PFKFB3: variants seen among roughly 807,000 people sequenced by gnomAD.
PFKFB3 encodes 6-phosphofructo-2-kinase/fructose-2,6-biphosphatase 3.
Under a neutral mutation model 68.0 loss-of-function variants are expected in PFKFB3, and 33 were observed. The observed-to-expected ratio is 0.49, with a 90% CI of 0.37 to 0.65. The LOEUF (loss-of-function observed/expected upper bound fraction) is 0.65. PFKFB3 is among the 30% of genes least tolerant of loss of function. PFKFB3 has a pLI of 0.00. For missense variants in PFKFB3, 586 were observed against 712.2 expected (o/e 0.82, Z 2.02); for synonymous variants, 315 against 288.2 (o/e 1.09, Z -0.94).
chr10:6,150,176 A>G lies in PFKFB3; in HGVS notation c.16+5163A>G, dbSNP rs552357221. Among the ~76,000 whole-genome samples, 76 of 152,318 alleles carry G rather than the reference A, an allele frequency of 5.0e-4. 1 individual carries two copies. The South Asian group carries it at 0.012, about 24-fold the overall frequency. On this transcript the variant is annotated intron_variant, in intron 1 of 14. Coordinates refer to the PFKFB3 transcript ENST00000379789. ...ACCGGAACACTCATTTGTTCTCAGA[A>G]TGCTTTCTGCATGGTAACTTGGAGA... is the stretch of plus-strand genomic sequence containing the variant.
the PFKFB3 span, among the ~76,000 whole-genome samples, chr10:6,272,598 G>A: frequency 6.6e-6 from 1 of 152,254 alleles, no homozygotes; most frequent in East Asian, 1.9e-4. Flanking sequence ...GGGAGGCTGA[G>A]GCAGGAGAAT....
intron 1 of PFKFB3, among the ~76,000 whole-genome samples, chr10:6,180,533 T>C (rs970288298): frequency 6.6e-6 from 1 of 152,192 alleles, no homozygotes; most frequent in Non-Finnish European, 1.5e-5. Context: ...GGCTCAGCCG[T>C]GGCTCACTGC....
chr10:6,215,160 G>A lies in PFKFB3; in HGVS notation c.203-61G>A, dbSNP rs1033370538. 16 of 1,396,322 alleles carry A rather than the reference G, an allele frequency of 1.1e-5. No homozygotes were observed. Among genetic ancestry groups the A allele is most frequent in the South Asian group, 5.8e-5 (5 of 85,836 alleles). The allele number at this position is 1,396,322 out of a possible 1,614,324, so 86.5% of individuals were successfully genotyped here. A position where few individuals can be genotyped will look rare whatever the true frequency, so the allele number is the denominator to read the frequency against. Reference sequence around the variant, plus strand: ...TTCCTTTGGTCGATCCTATGGTCCCGGTGTGAGCTGGCCCCTTCCTCCTGC... The same window carrying A: ...TTCCTTTGGTCGATCCTATGGTCCCAGTGTGAGCTGGCCCCTTCCTCCTGC... On this transcript the variant is annotated intron_variant, in intron 2 of 14. Transcript: ENST00000379775. This position sits in a 1 kb window ranked among gnomAD's most constrained non-coding sequence, Gnocchi z 4.3.
the PFKFB3 span, among the ~76,000 whole-genome samples, chr10:6,319,284 GT>G: frequency 6.6e-6 from 1 of 152,210 alleles, no homozygotes; most frequent in African/African-American, 2.4e-5. Flanking sequence ...TGGATGACTG[GT>G]TAAAGAATAT....
At chr10:6,237,471 C>T (rs1007934409), downstream of PFKFB3, among the ~76,000 whole-genome samples, 2 of 152,240 alleles carry the variant, frequency 1.3e-5, no homozygotes, top group Non-Finnish European at 2.9e-5. Flanking sequence ...GCAAAGATGT[C>T]GTTGAAAGTA....
intron 14 of PFKFB3, among the ~76,000 whole-genome samples, chr10:6,246,777 C>T (rs934535051): frequency 1.3e-5 from 2 of 152,182 alleles, no homozygotes; most frequent in Admixed American, 1.3e-4. Context: ...AAGAAGTGAA[C>T]TAAGTACCCT....
Position 6,221,418 on chromosome 10 carries a change from A to AC in PFKFB3, c.871dup (p.Leu291ProfsTer33). 1 of 1,613,870 alleles carries AC rather than the reference A, an allele frequency of 6.2e-7. No homozygotes were observed. On this transcript the variant is annotated frameshift_variant, in exon 9 of 15. Coordinates refer to ENST00000379775, the MANE Select transcript of PFKFB3 (RefSeq NM_004566.4). LOFTEE classifies it high-confidence loss of function. The stretch of plus-strand genomic sequence containing the variant: ...CTGAGCAAGTTCGTGGAGGAGCAGA[A>AC]CCTGAAGGACCTGCGCGTGTGGACC...
chr10:6,220,214 G>C lies in PFKFB3; in HGVS notation c.624-444G>C, dbSNP rs997364098. Among the ~76,000 whole-genome samples the C allele has an allele frequency of 4.6e-5, 7 of 151,704 alleles. No individual in the cohort carries two copies. Among genetic ancestry groups the C allele is most frequent in the Non-Finnish European group, 1.0e-4 (7 of 67,966 alleles). On this transcript the variant is annotated intron_variant, in intron 7 of 14. Transcript: ENST00000379775. The surrounding 1 kb of genome is among the most constrained non-coding windows in gnomAD (Gnocchi z 4.1). ...ACTTCTGGGCTCAAGTAATCCTACC[G>C]CCTCAGCCTCATGAGTAACTGGGAC...
downstream of PFKFB3, among the ~76,000 whole-genome samples, chr10:6,259,224 CA>C (rs1846517696): frequency 6.6e-6 from 1 of 151,296 alleles, no homozygotes; most frequent in East Asian, 2.0e-4. Context: ...TCCATCCACC[CA>C]TCCATTTATT....
chr10:6,236,414 T>C (rs1368580104), downstream of PFKFB3, among the ~76,000 whole-genome samples: 1 of 152,224 alleles, frequency 6.6e-6, no homozygotes, highest in South Asian at 2.1e-4. Context: ...GACCAGCGTC[T>C]TGCTTGGTCT....
At chr10:6,302,864 C>G in the PFKFB3 span, among the ~76,000 whole-genome samples, 1 of 151,820 alleles carries the variant, frequency 6.6e-6, no homozygotes, top group African/African-American at 2.4e-5. Flanking sequence ...AGAAAGTCAT[C>G]TTTGAAATTT....
chr10:6,162,136 AC>A (rs1460921026), intron 1 of PFKFB3, among the ~76,000 whole-genome samples: 1 of 133,088 alleles, frequency 7.5e-6, no homozygotes, highest in East Asian at 1.9e-4. Flanking sequence ...GAATCTTACA[AC>A]ATTTGTCTGT....
At chr10:6,189,131 A>T (rs372454974) in intron 1 of PFKFB3, among the ~76,000 whole-genome samples, 479 of 152,098 alleles carry the variant, frequency 3.1e-3, no homozygotes, top group Non-Finnish European at 5.1e-3. Context: ...GAGCCACCGC[A>T]CCTGGCGATT....
intron 14 of PFKFB3, among the ~76,000 whole-genome samples, chr10:6,232,075 C>T (rs993430083): frequency 2.0e-5 from 3 of 152,214 alleles, no homozygotes; most frequent in Admixed American, 6.5e-5. Context: ...CTCTCTCCCA[C>T]CCTCTTTAGA....
chr10:6,313,931 C>T, the PFKFB3 span, among the ~76,000 whole-genome samples: 1 of 152,242 alleles, frequency 6.6e-6, no homozygotes, highest in East Asian at 1.9e-4. This position sits in a 1 kb window ranked among gnomAD's most constrained non-coding sequence, Gnocchi z 4.2. Context: ...CACACCTCAA[C>T]ACTCACCCTA....
intron 1 of PFKFB3, among the ~76,000 whole-genome samples, chr10:6,192,292 C>A (rs879666359): frequency 3.9e-5 from 6 of 151,972 alleles, no homozygotes; most frequent in Non-Finnish European, 7.4e-5. Flanking sequence ...TCCAGCCCAG[C>A]CTGGAGGTTT....
At position 6,232,951 on chromosome 10, in the gene PFKFB3, T is replaced by C; in HGVS notation, c.*9T>C. ...CCTCCAGGAAACACTGAGGCAGACG[T>C]GTCGGTTCCATTCCATTTCCATTTC... On this transcript the variant is annotated 3_prime_UTR_variant, in exon 15 of 15. Transcript: ENST00000379775. 1 of 1,608,242 alleles carries C rather than the reference T, an allele frequency of 6.2e-7. No homozygotes were observed.
chr10:6,226,872 G>T (rs2132020450), intron 14 of PFKFB3, among the ~76,000 whole-genome samples: 1 of 152,280 alleles, frequency 6.6e-6, no homozygotes, highest in Non-Finnish European at 1.5e-5. Context: ...GATCACCTGA[G>T]GACAAGAGTT....
chr10:6,207,406 C>G (rs986430817), intron 1 of PFKFB3, among the ~76,000 whole-genome samples: 2 of 152,184 alleles, frequency 1.3e-5, no homozygotes, highest in African/African-American at 2.4e-5. Context: ...AGCTTTGGCT[C>G]GGCATCAGAG....
Sources: gnomAD v4.1 joint callset for allele counts (sites outside exome capture counted in the v4.1 genomes callset) on GRCh38, gnomAD v4.1.1 for gene constraint, Gnocchi (gnomAD v3.1) non-coding constraint, MANE v1.5 for transcripts, NCBI Gene and HGNC (gene_info 2026-07-23, HGNC 2026-07-21) for gene names.